Variants in DSE observed in about 807,000 individuals in gnomAD.
The protein encoded by DSE is dermatan sulfate epimerase.
DSE carries 36 observed loss-of-function variants against 84.4 expected under a neutral mutation model. The observed-to-expected ratio is 0.43, with a 90% CI of 0.33 to 0.56. DSE has a LOEUF of 0.56. DSE is among the 20% of genes least tolerant of loss of function. The pLI is 0.06. For synonymous variants in DSE, 410 were observed against 430.1 expected, an observed-to-expected ratio of 0.95 and a Z score of 0.58; for missense variants, 862 against 1,169.6, an observed-to-expected ratio of 0.74 and a Z score of 3.84.
intron 1 of DSE, among the ~76,000 whole-genome samples, chr6:116,393,492 T>A (rs1781042159): frequency 6.6e-6 from 1 of 152,240 alleles, no homozygotes; most frequent in South Asian, 2.1e-4. Context: ...ATCTTGCAGG[T>A]CTGAAACATC....
At chr6:116,281,388 T>G (rs1773521353) in intron 2 of DSE, among the ~76,000 whole-genome samples, 1 of 152,234 alleles carries the variant, frequency 6.6e-6, no homozygotes. Flanking sequence ...ATTAAATTTG[T>G]GGTAATTTGT....
At chr6:116,424,247 TG>T (rs1176109702) in intron 2 of DSE, among the ~76,000 whole-genome samples, 1 of 152,208 alleles carries the variant, frequency 6.6e-6, no homozygotes, top group African/African-American at 2.4e-5. Flanking sequence ...GCAATGAGTG[TG>T]CAGTATGAAT....
chr6:116,261,305 G>A lies in DSE; in HGVS notation c.-54+2338G>A, dbSNP rs187947838. 5.3e-4 allele frequency among the ~76,000 whole-genome samples: 81 copies of A among 152,094 alleles called. 1 individual carries two copies. The East Asian group carries it at 0.013, about 24-fold the overall frequency. ...TGCAGTGGTGCGATATCAGTTCACC[G>A]CAAGCTCTGCCTCCCAGGTTCACGC... On this transcript the variant is annotated intron_variant, in intron 2 of 3. Coordinates refer to the DSE transcript ENST00000430252.
At chr6:116,325,376 A>G (rs375330547) in intron 2 of DSE, among the ~76,000 whole-genome samples, 2 of 152,168 alleles carry the variant, frequency 1.3e-5, no homozygotes, top group Non-Finnish European at 2.9e-5. Context: ...ATAATCTCCA[A>G]AGTTCCATCA....
intron 2 of DSE, among the ~76,000 whole-genome samples, chr6:116,414,099 C>G (rs948748836): frequency 1.3e-5 from 2 of 152,218 alleles, no homozygotes; most frequent in African/African-American, 4.8e-5. Context: ...GTATTTGTTG[C>G]TAGGGCTGCT....
intron 1 of DSE, among the ~76,000 whole-genome samples, chr6:116,394,425 C>G (rs890750831): frequency 2.7e-5 from 4 of 149,604 alleles, no homozygotes. Context: ...TGAATTATAG[C>G]AGTAACAGCG....
intron 2 of DSE, among the ~76,000 whole-genome samples, chr6:116,267,503 C>T (rs536121326): frequency 4.3e-4 from 65 of 151,874 alleles, no homozygotes; most frequent in Non-Finnish European, 8.1e-4. Context: ...TATTTTTGTA[C>T]AGCTGTACAA....
At chr6:116,337,170 C>T (rs575844866) in intron 2 of DSE, among the ~76,000 whole-genome samples, 1 of 152,110 alleles carries the variant, frequency 6.6e-6, no homozygotes, top group East Asian at 1.9e-4. Context: ...AGTGGTAGAG[C>T]TCGTATATAG....
chr6:116,256,340 A>G (rs1772140939), intron 1 of DSE: 1 of 152,238 alleles, frequency 6.6e-6, no homozygotes. Flanking sequence ...GCTAAATAGT[A>G]TATCATATTG....
chr6:116,368,308 A>G (rs181499160), upstream of DSE, among the ~76,000 whole-genome samples: 258 of 152,386 alleles, frequency 1.7e-3, no homozygotes, highest in Non-Finnish European at 2.6e-3. Flanking sequence ...GTTCATCAGT[A>G]GCATTCAAAT....
intron 2 of DSE, among the ~76,000 whole-genome samples, chr6:116,318,074 A>AGTGG (rs1322571909): frequency 6.6e-6 from 1 of 152,234 alleles, no homozygotes; most frequent in East Asian, 1.9e-4. Flanking sequence ...TCTATGATCG[A>AGTGG]ACAAGGAGTG....
At chr6:116,350,084 C>G (rs1225683346) in intron 2 of DSE, among the ~76,000 whole-genome samples, 1 of 152,154 alleles carries the variant, frequency 6.6e-6, no homozygotes, top group East Asian at 1.9e-4. Context: ...GGAATCTGAA[C>G]TTATAATTTT....
intron 1 of DSE, among the ~76,000 whole-genome samples, chr6:116,374,302 A>C (rs1006898817): frequency 6.6e-6 from 1 of 152,230 alleles, no homozygotes; most frequent in African/African-American, 2.4e-5. Context: ...CCTTCCCCAA[A>C]TAAAAAAAGA....
chr6:116,284,122 A>T (rs971215224), intron 2 of DSE, among the ~76,000 whole-genome samples: 1 of 152,194 alleles, frequency 6.6e-6, no homozygotes, highest in South Asian at 2.1e-4. Context: ...AAAAACCCTG[A>T]GGTTTTTCTC....
At chr6:116,342,278 G>A (rs865925622) in intron 2 of DSE, among the ~76,000 whole-genome samples, 82 of 112,348 alleles carry the variant, frequency 7.3e-4, no homozygotes, top group Admixed American at 7.3e-4. Context: ...TATTATTGTT[G>A]CTGTTTTTTT....
chr6:116,427,652 T>C (rs1320184305), intron 3 of DSE, among the ~76,000 whole-genome samples: 1 of 152,208 alleles, frequency 6.6e-6, no homozygotes, highest in Non-Finnish European at 1.5e-5. Flanking sequence ...TAACATTAAC[T>C]GAGTATATGA....
chr6:116,322,996 C>T (rs7761093), intron 2 of DSE, among the ~76,000 whole-genome samples: 148,925 of 152,292 alleles, frequency 0.98, 72,915 homozygotes, highest in East Asian at 1. Context: ...ATAATTTATC[C>T]ATGCAGGGAG....
At chr6:116,306,337 A>G (rs1172012705) in intron 2 of DSE, among the ~76,000 whole-genome samples, 1 of 152,200 alleles carries the variant, frequency 6.6e-6, no homozygotes, top group Non-Finnish European at 1.5e-5. Context: ...ACACACAGGT[A>G]CATACACATA....
intron 2 of DSE, among the ~76,000 whole-genome samples, chr6:116,272,768 C>T (rs1313959936): frequency 6.6e-6 from 1 of 152,126 alleles, no homozygotes; most frequent in Non-Finnish European, 1.5e-5. Context: ...AATGATCAGC[C>T]AGGTTTGAGA....
Sources: allele counts gnomAD v4.1 joint callset (sites outside exome capture counted in the v4.1 genomes callset), GRCh38; gene constraint gnomAD v4.1.1; transcripts MANE v1.5; gene names NCBI Gene and HGNC (gene_info 2026-07-23, HGNC 2026-07-21).